EN1: variants seen among roughly 807,000 people sequenced by gnomAD.
EN1 encodes the protein engrailed homeobox 1.
EN1 carries 8 observed loss-of-function variants against 22.9 expected under a neutral mutation model. The ratio of observed to expected loss-of-function variants is 0.35; its 90% CI spans 0.20 to 0.63. The LOEUF is 0.63. EN1 is among the 20% of genes least tolerant of loss of function. EN1 has a pLI of 0.73. For synonymous variants in EN1, 287 were observed against 262.5 expected, an observed-to-expected ratio of 1.09 and a Z score of -0.90; for missense variants, 521 against 572.1, an observed-to-expected ratio of 0.91 and a Z score of 0.91.
At position 118,846,981 on chromosome 2, in the gene EN1, G is replaced by A. The variant is rs2104612455; in HGVS notation, c.187C>T (p.Pro63Ser). 1 of 1,363,824 alleles carries A rather than the reference G, an allele frequency of 7.3e-7. No individual in the cohort carries two copies. Among genetic ancestry groups the A allele is most frequent in the Non-Finnish European group, 9.4e-7 (1 of 1,068,618 alleles). 84.5% of individuals were successfully genotyped at this position (1,363,824 alleles called of 1,614,324 possible). The change falls in exon 1 of 2, where the codon CCT becomes TCT. Residue 63 changes from proline to serine, a missense_variant. This residue lies in a region of EN1 where 436 missense variants were observed against 410.1 expected (regional missense o/e 1.06). Coordinates refer to ENST00000295206, the MANE Select transcript of EN1 (RefSeq NM_001426.4). This position sits in a 1 kb window ranked among gnomAD's most constrained non-coding sequence, Gnocchi z 5.0. ...TGGTGGGCCAGGGGCGGCAGGCAAGGCGCCGCGGGCGGCGAGGGGGGCGCA... is the reference window on the plus strand; with the variant it reads ...TGGTGGGCCAGGGGCGGCAGGCAAGACGCCGCGGGCGGCGAGGGGGGCGCA... ...QPAPPSPPAAPCLPPLAHHPH... is the reference protein window; with the variant it reads ...QPAPPSPPAASCLPPLAHHPH...
Position 118,846,233 on chromosome 2 carries a change from G to T in EN1, c.862+73C>A. On this transcript the variant is annotated intron_variant, in intron 1 of 1. Coordinates refer to ENST00000295206, the MANE Select transcript of EN1 (RefSeq NM_001426.4). The surrounding 1 kb of genome is among the most constrained non-coding windows in gnomAD (Gnocchi z 5.0). ...CCCGAGGCCGGGTTTGCTCTCCCTAGCGCCGCAGCTTGGCGTTCTGGGGCG... is the reference window on the plus strand; with the variant it reads ...CCCGAGGCCGGGTTTGCTCTCCCTATCGCCGCAGCTTGGCGTTCTGGGGCG... 6.4e-7 allele frequency: 1 copy of T among 1,552,078 alleles called. No homozygotes were observed. The highest frequency in any genetic ancestry group is 8.7e-7 in the Non-Finnish European group (1 of 1,151,594).
chr2:118,846,629 G>C lies in EN1; in HGVS notation c.539C>G (p.Pro180Arg), dbSNP rs755974267. ...LCAPDANCGP[P>R]DGSQPAAAGA... ...GGCGGCGGCTGGCTGGGAGCCGTCG[G>C]GTGGGCCACAGTTCGCGTCCGGGGC... The change falls in exon 1 of 2, where the codon CCC (proline) becomes CGC (arginine). Residue 180 changes from proline (P) to arginine (R), a missense_variant. Pro to Arg is a moderately radical substitution (Grantham distance 103). Transcript: ENST00000295206. The surrounding 1 kb of genome is among the most constrained non-coding windows in gnomAD (Gnocchi z 5.0). 2 of 1,498,318 alleles carry C rather than the reference G, an allele frequency of 1.3e-6. No homozygotes were observed. The highest frequency in any genetic ancestry group is 2.9e-5 in the African/African-American group (2 of 69,420). 92.8% of individuals were successfully genotyped at this position (1,498,318 alleles called of 1,614,324 possible).
chr2:118,846,573 C>A lies in EN1; in HGVS notation c.595G>T (p.Ala199Ser). ...GCCGCGGCCGCCGCCGCCGCCGCAG[C>A]CGGGTTCCCAGCTTTAGACGCGCCC... ...GAGASKAGNP[A>S]AAAAAAAAAV... The change falls in exon 1 of 2, where the codon GCT (alanine) becomes TCT (serine). Residue 199 changes from alanine to serine, a missense_variant. Ala to Ser is a moderately conservative substitution (Grantham distance 99). Transcript: ENST00000295206. The surrounding 1 kb of genome is among the most constrained non-coding windows in gnomAD (Gnocchi z 5.0). The A allele has an allele frequency of 4.9e-6, 6 of 1,228,358 alleles. No homozygotes were observed. The highest frequency in any genetic ancestry group is 5.1e-6 in the Non-Finnish European group (5 of 987,852). The allele number at this position is 1,228,358 out of a possible 1,614,324, so 76.1% of individuals were successfully genotyped here.
At position 118,846,556 on chromosome 2, in the gene EN1, C is replaced by A; in HGVS notation, c.612G>T (p.Ala204=). The change falls in exon 1 of 2, where the codon GCG becomes GCT. Residue 204 remains alanine (A), a synonymous_variant. Transcript: ENST00000295206. The surrounding 1 kb of genome is among the most constrained non-coding windows in gnomAD (Gnocchi z 5.0). ...KAGNPAAAAA[A]AAAAVAAAAA... ...CCGCCGCCGCCACTGCCGCCGCGGC[C>A]GCCGCCGCCGCCGCAGCCGGGTTCC... is the stretch of plus-strand genomic sequence containing the variant. The A allele has an allele frequency of 1.7e-6, 2 of 1,172,182 alleles. No homozygotes were observed. Among genetic ancestry groups the A allele is most frequent in the Non-Finnish European group, 2.1e-6 (2 of 950,416 alleles). The allele number at this position is 1,172,182 out of a possible 1,614,324, so 72.6% of individuals were successfully genotyped here. A position where few individuals can be genotyped will look rare whatever the true frequency, so the allele number is the denominator to read the frequency against.
At chr2:118,843,368 C>A in intron 1 of EN1, 114 bp from the exon 2 acceptor site, 1 of 953,588 alleles carries the variant, frequency 1.0e-6, no homozygotes, top group South Asian at 1.7e-5. Context: ...GGCCGCGAGC[C>A]CCGCGCTTCC....
At chr2:118,844,694 C>T (rs752199061) in intron 1 of EN1, among the ~76,000 whole-genome samples, 2 of 152,244 alleles carry the variant, frequency 1.3e-5, no homozygotes, top group Admixed American at 6.5e-5. Flanking sequence ...CTGGGGCAGG[C>T]AGGAGGCTGG....
At chr2:118,845,543 C>T (rs1006809333) in intron 1 of EN1, among the ~76,000 whole-genome samples, 3 of 152,214 alleles carry the variant, frequency 2.0e-5, no homozygotes, top group African/African-American at 7.2e-5. Context: ...GGGAACCGTT[C>T]CGCGGAGAAG....
intron 1 of EN1, among the ~76,000 whole-genome samples, chr2:118,845,432 G>A (rs570991350): frequency 1.1e-4 from 17 of 152,352 alleles, no homozygotes; most frequent in Middle Eastern, 3.4e-3. Flanking sequence ...GGGGCACACG[G>A]AAAAGTGGTG....
Position 118,847,065 on chromosome 2 carries a change from C to A in EN1, c.103G>T (p.Ala35Ser), listed in dbSNP as rs1678289977. 1.4e-6 allele frequency: 2 copies of A among 1,423,988 alleles called. No individual in the cohort carries two copies. The highest frequency in any genetic ancestry group is 2.8e-5 in the South Asian group (2 of 70,806). 88.2% of individuals were successfully genotyped at this position (1,423,988 alleles called of 1,614,324 possible). A position where few individuals can be genotyped will look rare whatever the true frequency, so the allele number is the denominator to read the frequency against. Residue 35 changes from alanine to serine, a missense_variant, in exon 1 of 2, where the codon GCC (alanine) becomes TCC (serine). Physicochemically the swap from Ala to Ser is moderately conservative, Grantham distance 99. Around this residue, in one of 3 missense-constraint regions of EN1, gnomAD observed 436 missense variants for 410.1 expected, o/e 1.06. Transcript: ENST00000295206. ...CTGCCGCTGCCGCTGCTGCCGCTGG[C>A]GCCCGGACTGAGGCTCAGGCTGAGG... is the stretch of plus-strand genomic sequence containing the variant. ...GGLSLSLSPG[A>S]SGSSGSGSDG...
At position 118,846,192 on chromosome 2, in the gene EN1, G is replaced by GT; in HGVS notation, c.862+113dup. 5 of 1,461,718 alleles carry GT rather than the reference G, an allele frequency of 3.4e-6. No individual in the cohort carries two copies. Among genetic ancestry groups the GT allele is most frequent in the Non-Finnish European group, 4.6e-6 (5 of 1,091,496 alleles). The allele number at this position is 1,461,718 out of a possible 1,614,324, so 90.5% of individuals were successfully genotyped here. A position where few individuals can be genotyped will look rare whatever the true frequency, so the allele number is the denominator to read the frequency against. ...CTGGAACTGGGGTGAGGAAGCAGGC[G>GT]TGAGAGACTGGAGTACCCGAGGCCG... is the stretch of plus-strand genomic sequence containing the variant. On this transcript the variant is annotated intron_variant, in intron 1 of 1. Coordinates refer to ENST00000295206, the MANE Select transcript of EN1 (RefSeq NM_001426.4). The surrounding 1 kb of genome is among the most constrained non-coding windows in gnomAD (Gnocchi z 5.0).
chr2:118,846,576 G>A lies in EN1; in HGVS notation c.592C>T (p.Pro198Ser). The A allele has an allele frequency of 8.1e-7, 1 of 1,238,040 alleles. No individual in the cohort carries two copies. The allele number at this position is 1,238,040 out of a possible 1,614,324, so 76.7% of individuals were successfully genotyped here. Residue 198 changes from proline (P) to serine (S), a missense_variant, in exon 1 of 2, where the codon CCG becomes TCG. Coordinates refer to ENST00000295206, the MANE Select transcript of EN1 (RefSeq NM_001426.4). This position sits in a 1 kb window ranked among gnomAD's most constrained non-coding sequence, Gnocchi z 5.0. ...GCGGCCGCCGCCGCCGCCGCAGCCGGGTTCCCAGCTTTAGACGCGCCCGCG... is the reference window on the plus strand; with the variant it reads ...GCGGCCGCCGCCGCCGCCGCAGCCGAGTTCCCAGCTTTAGACGCGCCCGCG... ...AGAGASKAGN[P>S]AAAAAAAAAA...
chr2:118,847,200 C>T lies in EN1; in HGVS notation c.-33G>A. Reference sequence around the variant, plus strand: ...CGCCCCGCCGCCCCGGCCGCCGCGCCGGCCCCCGCCCCCACCGCCTCGCTC... The same window carrying T: ...CGCCCCGCCGCCCCGGCCGCCGCGCTGGCCCCCGCCCCCACCGCCTCGCTC... On this transcript the variant is annotated 5_prime_UTR_variant, in exon 1 of 2. Coordinates refer to ENST00000295206, the MANE Select transcript of EN1 (RefSeq NM_001426.4). The T allele has an allele frequency of 3.0e-6, 2 of 660,900 alleles. No individual in the cohort carries two copies. The highest frequency in any genetic ancestry group is 2.9e-5 in the South Asian group (1 of 34,702). The allele number at this position is 660,900 out of a possible 1,614,324, so 40.9% of individuals were successfully genotyped here. A position where few individuals can be genotyped will look rare whatever the true frequency, so the allele number is the denominator to read the frequency against.
rs1428465934 is a variant in EN1, at chr2:118,847,305, G to A, written c.-138C>T. 7.4e-6 allele frequency: 3 copies of A among 405,564 alleles called. No individual in the cohort carries two copies. The highest frequency in any genetic ancestry group is 1.3e-5 in the Non-Finnish European group (3 of 231,808). The allele number at this position is 405,564 out of a possible 1,614,324, so 25.1% of individuals were successfully genotyped here. On this transcript the variant is annotated 5_prime_UTR_variant, in exon 1 of 2. Coordinates refer to ENST00000295206, the MANE Select transcript of EN1 (RefSeq NM_001426.4). ...AAGCCTCAGCGAAGGCACGGGGCGG[G>A]TGCAGGAAAAAAGCTCAGGCGTCTG...
Position 118,842,850 on chromosome 2 carries a change from A to G in EN1, c.*88T>C. 1.3e-6 allele frequency: 2 copies of G among 1,493,532 alleles called. No homozygotes were observed. The highest frequency in any genetic ancestry group is 1.8e-6 in the Non-Finnish European group (2 of 1,122,608). The allele number at this position is 1,493,532 out of a possible 1,614,324, so 92.5% of individuals were successfully genotyped here. A position where few individuals can be genotyped will look rare whatever the true frequency, so the allele number is the denominator to read the frequency against. On this transcript the variant is annotated 3_prime_UTR_variant, in exon 2 of 2. Coordinates refer to ENST00000295206, the MANE Select transcript of EN1 (RefSeq NM_001426.4). The stretch of plus-strand genomic sequence containing the variant: ...TTCCCTGCGCTCCCTCCCTCCTTGG[A>G]GCAGATGCTTTCTCCCCCAGCGAGG...
In EN1 at chr2:118,847,464, A is replaced by C; in HGVS notation, c.-297T>G. On this transcript the variant is annotated 5_prime_UTR_variant, in exon 1 of 2. Coordinates refer to ENST00000295206, the MANE Select transcript of EN1 (RefSeq NM_001426.4). ...AACCAGATTCAATGATTTGATTTAA[A>C]TGGGGAGTAAGCCACGGCCAAAAAA... 16 of 272,556 alleles carry C rather than the reference A, an allele frequency of 5.9e-5. No individual in the cohort carries two copies. Among genetic ancestry groups the C allele is most frequent in the Non-Finnish European group, 6.8e-5 (10 of 146,820 alleles). 16.9% of individuals were successfully genotyped at this position (272,556 alleles called of 1,614,324 possible).
At position 118,846,634 on chromosome 2, in the gene EN1, G is replaced by A. The variant is rs1487232873; in HGVS notation, c.534C>T (p.Gly178=). Residue 178 remains glycine, a synonymous_variant, in exon 1 of 2, where the codon GGC becomes GGT. Coordinates refer to ENST00000295206, the MANE Select transcript of EN1 (RefSeq NM_001426.4). This position sits in a 1 kb window ranked among gnomAD's most constrained non-coding sequence, Gnocchi z 5.0. ...SLLCAPDANC[G]PPDGSQPAAA... Reference sequence around the variant, plus strand: ...CGGCTGGCTGGGAGCCGTCGGGTGGGCCACAGTTCGCGTCCGGGGCGCACA... The same window carrying A: ...CGGCTGGCTGGGAGCCGTCGGGTGGACCACAGTTCGCGTCCGGGGCGCACA... The A allele has an allele frequency of 6.6e-6, 10 of 1,509,680 alleles. No homozygotes were observed. In the South Asian group the frequency reaches 1.1e-4, roughly 16 times the overall value. 93.5% of individuals were successfully genotyped at this position (1,509,680 alleles called of 1,614,324 possible). A position where few individuals can be genotyped will look rare whatever the true frequency, so the allele number is the denominator to read the frequency against.
At position 118,842,904 on chromosome 2, in the gene EN1, G is replaced by A; in HGVS notation, c.*34C>T. 1 of 1,581,112 alleles carries A rather than the reference G, an allele frequency of 6.3e-7. No homozygotes were observed. Among genetic ancestry groups the A allele is most frequent in the Non-Finnish European group, 8.6e-7 (1 of 1,159,908 alleles). ...CGGGAGACGACGGCGGCGGTGCCGG[G>A]AGGGGGCGCGGGCGCGGCCCCGGCC... On this transcript the variant is annotated 3_prime_UTR_variant, in exon 2 of 2. Transcript: ENST00000295206.
In EN1 at chr2:118,846,675, C is replaced by T. The variant is rs1361457234; in HGVS notation, c.493G>A (p.Gly165Ser). ...GGGGCGCACAGGAGCGAGGCAGCGCCTGGCGCCCGGGTGCCCAACGGGTGG... is the reference window on the plus strand; with the variant it reads ...GGGGCGCACAGGAGCGAGGCAGCGCTTGGCGCCCGGGTGCCCAACGGGTGG... ...PVHPLGTRAP[G>S]AASLLCAPDA... The change falls in exon 1 of 2, where the codon GGC becomes AGC. Residue 165 changes from glycine (G) to serine (S), a missense_variant. By Grantham distance (56) the Gly-to-Ser change is moderately conservative (BLOSUM62 0). Around this residue, in one of 3 missense-constraint regions of EN1, gnomAD observed 436 missense variants for 410.1 expected, o/e 1.06. Transcript: ENST00000295206. The surrounding 1 kb of genome is among the most constrained non-coding windows in gnomAD (Gnocchi z 5.0). 6.3e-7 allele frequency: 1 copy of T among 1,579,818 alleles called. No individual in the cohort carries two copies. The highest frequency in any genetic ancestry group is 1.7e-5 in the Admixed American group (1 of 57,676).
chr2:118,846,937 G>A lies in EN1; in HGVS notation c.231C>T (p.His77=), dbSNP rs778201908. The change falls in exon 1 of 2, where the codon CAC becomes CAT. Residue 77 remains histidine (H), a synonymous_variant. Coordinates refer to ENST00000295206, the MANE Select transcript of EN1 (RefSeq NM_001426.4). The surrounding 1 kb of genome is among the most constrained non-coding windows in gnomAD (Gnocchi z 5.0). ...PLAHHPHLPP[H]PPPPPPQHLA... ...GATGCTGAGGCGGCGGGGGCGGGGG[G>A]TGTGGGGGGAGGTGCGGGTGGTGGG... 15 of 1,488,766 alleles carry A rather than the reference G, an allele frequency of 1.0e-5. No homozygotes were observed. In the East Asian group the frequency reaches 3.4e-4, roughly 33 times the overall value. 92.2% of individuals were successfully genotyped at this position (1,488,766 alleles called of 1,614,324 possible).
Sources: gnomAD v4.1 joint callset for allele counts (sites outside exome capture counted in the v4.1 genomes callset) on GRCh38, gnomAD v4.1.1 for gene constraint, gnomAD v4.1.1 regional missense constraint, Gnocchi (gnomAD v3.1) non-coding constraint, MANE v1.5 for transcripts, NCBI Gene and HGNC (gene_info 2026-07-23, HGNC 2026-07-21) for gene names.